The following BAALC variants were observed in gnomAD, a reference collection of about 807,000 sequenced individuals.
BAALC encodes brain and acute leukemia cytoplasmic protein.
A neutral mutation model predicts 15.5 loss-of-function variants in BAALC; 9 were observed. That is an observed-to-expected ratio of 0.58 (90% CI 0.35 to 1.02). The LOEUF is 1.02. Ranked by LOEUF, BAALC falls within the 50% of genes least tolerant of loss-of-function variation. The probability of loss-of-function intolerance (pLI) is 0.02; values close to 1 mark genes in which losing one functional copy is unlikely to be tolerated. For missense variants in BAALC, 201 were observed against 192.4 expected, an observed-to-expected ratio of 1.04 and a Z score of -0.27; for synonymous variants, 80 against 74.6, an observed-to-expected ratio of 1.07 and a Z score of -0.37.
At chr8:103,163,387 A>G (rs1422368194) in intron 1 of BAALC, among the ~76,000 whole-genome samples, 2 of 151,920 alleles carry the variant, frequency 1.3e-5, no homozygotes, top group Non-Finnish European at 2.9e-5. Flanking sequence ...CACATTTCCA[A>G]CCATCACAAG....
chr8:103,160,776 G>A (rs956714716), intron 1 of BAALC, among the ~76,000 whole-genome samples: 2 of 152,132 alleles, frequency 1.3e-5, no homozygotes, highest in African/African-American at 4.8e-5. Flanking sequence ...TTGACAGCAG[G>A]AAGCACCCAG....
chr8:103,213,187 ATGGCTCATCT>A, intron 2 of BAALC, 102 bp downstream of exon 2: 1 of 1,287,362 alleles, frequency 7.8e-7, no homozygotes, highest in Non-Finnish European at 1.0e-6. Flanking sequence ...GGGACCAGGG[ATGGCTCATCT>A]TGGAAAAAAA....
chr8:103,223,612 A>G (rs1812732174), intron 2 of BAALC, among the ~76,000 whole-genome samples: 1 of 150,980 alleles, frequency 6.6e-6, no homozygotes, highest in South Asian at 2.1e-4. Context: ...AAATGACCCT[A>G]TTGTAATTGG....
At chr8:103,162,044 T>C (rs2129908503) in intron 1 of BAALC, among the ~76,000 whole-genome samples, 1 of 152,330 alleles carries the variant, frequency 6.6e-6, no homozygotes, top group African/African-American at 2.4e-5. Context: ...CACTGCAGCC[T>C]TGATCTCCTA....
intron 1 of BAALC, among the ~76,000 whole-genome samples, chr8:103,176,591 AC>A (rs1303747077): frequency 6.6e-6 from 1 of 152,130 alleles, no homozygotes; most frequent in Non-Finnish European, 1.5e-5. Flanking sequence ...CTAACCCACC[AC>A]GCTATCTAAT....
intron 1 of BAALC, among the ~76,000 whole-genome samples, chr8:103,177,180 T>C (rs2129961913): frequency 1.6e-5 from 2 of 127,688 alleles, no homozygotes; most frequent in South Asian, 5.0e-4. Context: ...GTTGTTGTTG[T>C]TGTTGTTGTT....
chr8:103,158,189 T>C (rs945217600), intron 1 of BAALC, among the ~76,000 whole-genome samples: 6 of 152,214 alleles, frequency 3.9e-5, no homozygotes, highest in African/African-American at 9.6e-5. Flanking sequence ...TTTTGTCTTG[T>C]AGAGTTTCTA....
chr8:103,168,273 G>A (rs11779236), intron 1 of BAALC, among the ~76,000 whole-genome samples: 26,914 of 152,124 alleles, frequency 0.18, 3,088 homozygotes, highest in East Asian at 0.38. Flanking sequence ...TAATTGGCAA[G>A]TCATACTCTT....
intron 1 of BAALC, among the ~76,000 whole-genome samples, chr8:103,192,244 G>T (rs1811987319): frequency 6.6e-6 from 1 of 152,080 alleles, no homozygotes; most frequent in Admixed American, 6.5e-5. Flanking sequence ...TAGAGACAGG[G>T]TTTCATCATA....
chr8:103,188,038 A>C (rs1299729878), intron 1 of BAALC, among the ~76,000 whole-genome samples: 1 of 152,166 alleles, frequency 6.6e-6, no homozygotes, highest in Non-Finnish European at 1.5e-5. Context: ...TAAATTAGCA[A>C]AGAAACAGGT....
chr8:103,224,988 T>G (rs903516711), intron 2 of BAALC, among the ~76,000 whole-genome samples: 1 of 152,126 alleles, frequency 6.6e-6, no homozygotes, highest in Non-Finnish European at 1.5e-5. Context: ...GAAAGAATGC[T>G]TTAAAGGACA....
intron 1 of BAALC, among the ~76,000 whole-genome samples, chr8:103,205,092 A>G (rs1163349924): frequency 2.0e-5 from 3 of 152,158 alleles, no homozygotes; most frequent in Admixed American, 2.0e-4. Context: ...AATGACTTGC[A>G]GGTTGTTTCT....
Position 103,221,513 on chromosome 8 carries a change from C to T in BAALC, c.328-6476C>T, listed in dbSNP as rs1272831104. 2.0e-5 allele frequency among the ~76,000 whole-genome samples: 3 copies of T among 151,128 alleles called. No individual in the cohort carries two copies. The East Asian group carries it at 5.8e-4, about 29-fold the overall frequency. On this transcript the variant is annotated intron_variant, in intron 2 of 2. Coordinates refer to ENST00000309982, the MANE Select transcript of BAALC (RefSeq NM_024812.3). ...TGCAATAGAAACACATTTTCTTTTC[C>T]TGTCATTAAAAAGGTATGGGGGGTG...
chr8:103,175,662 T>G (rs1811591893), intron 1 of BAALC, among the ~76,000 whole-genome samples: 1 of 152,242 alleles, frequency 6.6e-6, no homozygotes, highest in Non-Finnish European at 1.5e-5. Context: ...CTCCACTGAA[T>G]GCCAGGAAAC....
At chr8:103,165,313 G>T (rs1037552139) in intron 1 of BAALC, among the ~76,000 whole-genome samples, 4 of 152,148 alleles carry the variant, frequency 2.6e-5, no homozygotes, top group African/African-American at 7.2e-5. Flanking sequence ...AGCAAGCGTT[G>T]CTAAACACTA....
At chr8:103,161,096 A>T (rs1386689169) in intron 1 of BAALC, among the ~76,000 whole-genome samples, 1 of 152,196 alleles carries the variant, frequency 6.6e-6, no homozygotes, top group African/African-American at 2.4e-5. Flanking sequence ...CATTTCAGGA[A>T]AAATTGCTGT....
intron 1 of BAALC, among the ~76,000 whole-genome samples, chr8:103,168,714 CTT>C (rs769619714): frequency 3.0e-4 from 45 of 152,048 alleles, no homozygotes; most frequent in Non-Finnish European, 5.6e-4. Context: ...TTGACTCTTT[CTT>C]TGACATTAAC....
At chr8:103,194,050 C>T (rs1812036269) in intron 1 of BAALC, among the ~76,000 whole-genome samples, 1 of 152,160 alleles carries the variant, frequency 6.6e-6, no homozygotes, top group Non-Finnish European at 1.5e-5. Flanking sequence ...TATCAAAAAG[C>T]AAGTCGTTTT....
At position 103,141,044 on chromosome 8, in the gene BAALC, C is replaced by G. The variant is rs577792558; in HGVS notation, c.147C>G (p.Gly49=). 6.7e-7 allele frequency: 1 copy of G among 1,500,650 alleles called. No homozygotes were observed. Among genetic ancestry groups the G allele is most frequent in the Non-Finnish European group, 8.9e-7 (1 of 1,124,808 alleles). The allele number at this position is 1,500,650 out of a possible 1,614,324, so 93.0% of individuals were successfully genotyped here. ...CCCCGGACAGCGGCCCCGAAGCGGG[C>G]GGCCTGCACTCGGGTAAGTGGCCGG... ...AAAPDSGPEA[G]GLHSGMLEDG... The change falls in exon 1 of 3, where the codon GGC becomes GGG. Residue 49 remains glycine, a synonymous_variant. Coordinates refer to ENST00000309982, the MANE Select transcript of BAALC (RefSeq NM_024812.3).
Sources: allele counts gnomAD v4.1 joint callset (sites outside exome capture counted in the v4.1 genomes callset), GRCh38; gene constraint gnomAD v4.1.1; transcripts MANE v1.5; gene names NCBI Gene and HGNC (gene_info 2026-07-23, HGNC 2026-07-21).